RBP7: variants seen among roughly 807,000 people sequenced by gnomAD.
RBP7 encodes retinol binding protein 7.
RBP7 carries 13 observed loss-of-function variants against 16.7 expected under a neutral mutation model. The ratio of observed to expected loss-of-function variants is 0.78; its 90% confidence interval spans 0.51 to 1.24. RBP7 has a LOEUF of 1.24. RBP7 is among the 50% of genes most tolerant of loss of function. The pLI is 0.00. For missense variants in RBP7, 145 were observed against 159.5 expected (o/e 0.91, Z 0.49); for synonymous variants, 54 against 56.2 (o/e 0.96, Z 0.17).
chr1:10,012,742 T>G (rs1317829563), intron 3 of RBP7, among the ~76,000 whole-genome samples: 1 of 151,842 alleles, frequency 6.6e-6, no homozygotes, highest in Admixed American at 6.6e-5. Flanking sequence ...GAGACCAGCC[T>G]GGCCAGCATG....
At chr1:10,001,230 C>G (rs1642270702) in intron 1 of RBP7, among the ~76,000 whole-genome samples, 1 of 152,222 alleles carries the variant, frequency 6.6e-6, no homozygotes. Context: ...CCCACCCGGG[C>G]TCTGGCATCA....
intron 1 of RBP7, among the ~76,000 whole-genome samples, chr1:10,001,959 G>T (rs951717596): frequency 2.0e-5 from 3 of 152,004 alleles, no homozygotes; most frequent in East Asian, 1.9e-4. Context: ...CTCCCAAGTA[G>T]CTGGGATTAC....
chr1:10,006,764 TAG>T (rs1212966695), intron 1 of RBP7, among the ~76,000 whole-genome samples: 386 of 141,424 alleles, frequency 2.7e-3, no homozygotes, highest in African/African-American at 5.0e-3. Context: ...TATATATATA[TAG>T]AGAGAGAGAG....
intron 3 of RBP7, among the ~76,000 whole-genome samples, chr1:10,011,213 C>T (rs749987399): frequency 2.0e-4 from 31 of 151,914 alleles, no homozygotes; most frequent in Non-Finnish European, 4.1e-4. Flanking sequence ...GTATATTTAA[C>T]ATTCCATCTT....
At chr1:10,004,443 T>G (rs1161956714) in intron 1 of RBP7, 1 of 152,034 alleles carries the variant, frequency 6.6e-6, no homozygotes, top group Non-Finnish European at 1.5e-5. Flanking sequence ...TGGTGCAATC[T>G]CAACTCACCT....
At chr1:10,010,477 C>T (rs769849037) in intron 3 of RBP7, among the ~76,000 whole-genome samples, 4 of 151,920 alleles carry the variant, frequency 2.6e-5, no homozygotes, top group South Asian at 2.1e-4. Context: ...AGTGCAGTGG[C>T]GCAATCTCGG....
chr1:10,012,762 C>T (rs149518444), intron 3 of RBP7, among the ~76,000 whole-genome samples: 1,881 of 151,368 alleles, frequency 0.012, 36 homozygotes, highest in African/African-American at 0.043. Flanking sequence ...GGCGAAACCC[C>T]GTCTCTATTA....
chr1:10,014,760 C>T (rs1215896748), intron 3 of RBP7, among the ~76,000 whole-genome samples: 1 of 152,048 alleles, frequency 6.6e-6, no homozygotes, highest in Non-Finnish European at 1.5e-5. Flanking sequence ...TTTTGTGAGC[C>T]CTTCTAGCAA....
rs141862349 is a variant in RBP7, at chr1:10,010,046, C to T, written c.354+1772C>T. Among the ~76,000 whole-genome samples, 13 of 152,252 alleles carry T rather than the reference C, an allele frequency of 8.5e-5. No homozygotes were observed. In the East Asian group the frequency reaches 2.5e-3, roughly 29 times the overall value. On this transcript the variant is annotated intron_variant, in intron 3 of 3. Transcript: ENST00000294435. ...TACAACCATTCCCATTATCCAGTTTCAGACAAGTCAATCACTCCAAAACAT... is the reference window on the plus strand; with the variant it reads ...TACAACCATTCCCATTATCCAGTTTTAGACAAGTCAATCACTCCAAAACAT...
At chr1:10,006,881 C>A (rs1009309628) in intron 1 of RBP7, 3 of 387,184 alleles carry the variant, frequency 7.7e-6, no homozygotes, top group Admixed American at 3.6e-5. Flanking sequence ...ATACATAAGG[C>A]AGAAAAAGGC....
intron 1 of RBP7, among the ~76,000 whole-genome samples, chr1:10,006,697 A>T (rs1292183556): frequency 6.9e-6 from 1 of 144,780 alleles, no homozygotes; most frequent in African/African-American, 2.5e-5. Flanking sequence ...TGTGTCTCGG[A>T]AAAAAAAAAA....
intron 3 of RBP7, among the ~76,000 whole-genome samples, chr1:10,012,827 G>C (rs1199026006): frequency 6.7e-6 from 1 of 149,566 alleles, no homozygotes; most frequent in Non-Finnish European, 1.5e-5. Context: ...CCAGCTACTC[G>C]GGAGGCTGAG....
Position 9,997,337 on chromosome 1 carries a change from G to A in RBP7, c.73+6G>A. On this transcript the variant is annotated splice_donor_region_variant and intron_variant, in intron 1 of 3. Coordinates refer to ENST00000294435, the MANE Select transcript of RBP7 (RefSeq NM_052960.3). This position sits in a 1 kb window ranked among gnomAD's most constrained non-coding sequence, Gnocchi z 5.9. ...GGGCTACATGCTGGCCCTAGGTAAG[G>A]CGGAGGGGAGGCGGCGGCGGCGCGA... The A allele has an allele frequency of 6.2e-7, 1 of 1,610,028 alleles. No individual in the cohort carries two copies. Among genetic ancestry groups the A allele is most frequent in the Non-Finnish European group, 8.5e-7 (1 of 1,178,614 alleles).
intron 1 of RBP7, among the ~76,000 whole-genome samples, chr1:9,998,608 C>G (rs1642215368): frequency 6.6e-6 from 1 of 151,378 alleles, no homozygotes; most frequent in South Asian, 2.1e-4. Context: ...CGGGGTTTCA[C>G]CATGTTGGCC....
chr1:10,003,927 T>C (rs987076422), intron 1 of RBP7, among the ~76,000 whole-genome samples: 7 of 146,896 alleles, frequency 4.8e-5, no homozygotes, highest in African/African-American at 1.8e-4. Flanking sequence ...GACTAATTCT[T>C]GTATTTTTAG....
intron 3 of RBP7, among the ~76,000 whole-genome samples, chr1:10,009,667 G>A (rs1316284157): frequency 6.6e-6 from 1 of 151,750 alleles, no homozygotes; most frequent in Non-Finnish European, 1.5e-5. Context: ...GAGTAGCTGG[G>A]ACTACAGGCA....
Position 10,007,749 on chromosome 1 carries a change from G to A in RBP7, c.252+1G>A, listed in dbSNP as rs1200052297. On this transcript the variant is annotated splice_donor_variant, in intron 2 of 3. Coordinates refer to ENST00000294435, the MANE Select transcript of RBP7 (RefSeq NM_052960.3). LOFTEE classifies it high-confidence loss of function. ...AGGCCTGGACAACAGAAAATGCAAG[G>A]TAAAATGTAAAGAAATGCCAGGTGC... The A allele has an allele frequency of 1.9e-6, 3 of 1,610,080 alleles. No individual in the cohort carries two copies. Among genetic ancestry groups the A allele is most frequent in the Non-Finnish European group, 2.5e-6 (3 of 1,178,786 alleles).
intron 1 of RBP7, among the ~76,000 whole-genome samples, chr1:10,003,569 A>G (rs984248283): frequency 2.6e-5 from 4 of 152,220 alleles, no homozygotes; most frequent in Non-Finnish European, 5.9e-5. Flanking sequence ...CTGCGGGAGC[A>G]GTCACAGAGC....
At position 10,007,703 on chromosome 1, in the gene RBP7, A is replaced by G. The variant is rs200064895; in HGVS notation, c.207A>G (p.Glu69=). 1.3e-5 allele frequency: 21 copies of G among 1,613,916 alleles called. No homozygotes were observed. The highest frequency in any genetic ancestry group is 1.8e-5 in the Non-Finnish European group (21 of 1,180,032). The change falls in exon 2 of 4, where the codon GAA becomes GAG. Residue 69 remains glutamate, a synonymous_variant. Transcript: ENST00000294435. Reference sequence around the variant, plus strand: ...ACTTTGTGAAATTTAAAGTTGGAGAAGAATTTGATGAAGATAACAGAGGCC... The same window carrying G: ...ACTTTGTGAAATTTAAAGTTGGAGAGGAATTTGATGAAGATAACAGAGGCC... ...RNYFVKFKVG[E]EFDEDNRGLD... is the part of the protein sequence containing the mutation.
Sources: allele counts gnomAD v4.1 joint callset (sites outside exome capture counted in the v4.1 genomes callset), GRCh38; gene constraint gnomAD v4.1.1; non-coding constraint Gnocchi (gnomAD v3.1); transcripts MANE v1.5; gene names NCBI Gene and HGNC (gene_info 2026-07-23, HGNC 2026-07-21).